Variants in PTPRN2 observed in about 807,000 individuals in gnomAD.
PTPRN2 encodes receptor-type tyrosine-protein phosphatase N2.
Under a neutral mutation model 118.8 loss-of-function variants are expected in PTPRN2, and 74 were observed. That is an observed-to-expected ratio of 0.62 (90% CI 0.52 to 0.76). PTPRN2 has a LOEUF of 0.76. PTPRN2 is among the 30% of genes least tolerant of loss of function. The probability of loss-of-function intolerance (pLI) is 0.00; values close to 1 mark genes in which losing one functional copy is unlikely to be tolerated. For synonymous variants in PTPRN2, 641 were observed against 608.0 expected (o/e 1.05, Z -0.80); for missense variants, 1,481 against 1,394.4 (o/e 1.06, Z -0.99).
chr7:157,600,113 C>A (rs1217327055), intron 16 of PTPRN2, among the ~76,000 whole-genome samples: 1 of 77,484 alleles, frequency 1.3e-5, no homozygotes. Flanking sequence ...ACCTGCCCAC[C>A]TCTCCACCTG....
intron 11 of PTPRN2, among the ~76,000 whole-genome samples, chr7:157,960,509 TA>T (rs755437710): frequency 2.0e-5 from 3 of 152,222 alleles, no homozygotes; most frequent in Non-Finnish European, 4.4e-5. Flanking sequence ...ATTTCAATTT[TA>T]AAAATACATC....
intron 10 of PTPRN2, among the ~76,000 whole-genome samples, chr7:158,085,817 CCCA>C (rs1262475194): frequency 7.2e-6 from 1 of 137,996 alleles, no homozygotes; most frequent in African/African-American, 2.8e-5. Flanking sequence ...CCCATCCACA[CCCA>C]CGATGCCCAT....
At chr7:157,704,756 C>T (rs199921268) in intron 12 of PTPRN2, among the ~76,000 whole-genome samples, 2 of 152,200 alleles carry the variant, frequency 1.3e-5, no homozygotes, top group South Asian at 2.1e-4. Context: ...CAGTTTACGG[C>T]GGCCATTCTA....
At chr7:158,071,050 C>T (rs1165124634) in intron 11 of PTPRN2, among the ~76,000 whole-genome samples, 1 of 56,710 alleles carries the variant, frequency 1.8e-5, no homozygotes, top group Non-Finnish European at 3.1e-5. Context: ...TGGAGGTGCT[C>T]ATGGTGGTGG....
intron 11 of PTPRN2, among the ~76,000 whole-genome samples, chr7:157,909,752 T>C (rs1797977428): frequency 6.6e-6 from 1 of 152,238 alleles, no homozygotes; most frequent in African/African-American, 2.4e-5. Flanking sequence ...AAAACATTTA[T>C]CACCCTCTGA....
At chr7:158,423,224 G>A (rs907458620) in intron 2 of PTPRN2, among the ~76,000 whole-genome samples, 3 of 152,236 alleles carry the variant, frequency 2.0e-5, no homozygotes, top group Admixed American at 6.5e-5. Flanking sequence ...GAGAAACCAC[G>A]GGGGAGAAAC....
At chr7:158,076,009 C>T (rs937078411) in intron 11 of PTPRN2, among the ~76,000 whole-genome samples, 2 of 152,228 alleles carry the variant, frequency 1.3e-5, no homozygotes, top group African/African-American at 2.4e-5. Flanking sequence ...CGAAGGGGAG[C>T]GCTGGGATCC....
chr7:157,901,320 G>A (rs1350339769), intron 11 of PTPRN2, among the ~76,000 whole-genome samples: 3 of 152,076 alleles, frequency 2.0e-5, no homozygotes, highest in Non-Finnish European at 4.4e-5. Context: ...ATGAGGCATG[G>A]CGGGGCCGAA....
chr7:158,409,445 A>T (rs1813855088), intron 2 of PTPRN2, among the ~76,000 whole-genome samples: 1 of 152,188 alleles, frequency 6.6e-6, no homozygotes, highest in Non-Finnish European at 1.5e-5. Context: ...GGCACAGAAG[A>T]CCTGGTCAGT....
intron 14 of PTPRN2, 134 bp from the exon 15 acceptor site, chr7:157,621,643 G>A: frequency 6.4e-6 from 7 of 1,096,138 alleles, no homozygotes; most frequent in South Asian, 2.9e-5. Context: ...GGGCCATGGT[G>A]CGACGTTGTG....
intron 14 of PTPRN2, among the ~76,000 whole-genome samples, chr7:157,638,531 G>C (rs1183957820): frequency 2.0e-5 from 3 of 152,252 alleles, no homozygotes; most frequent in Non-Finnish European, 4.4e-5. Flanking sequence ...CAATTGCTTT[G>C]AAACGAGGAG....
chr7:158,534,775 A>G (rs765315162), intron 1 of PTPRN2, among the ~76,000 whole-genome samples: 4 of 151,606 alleles, frequency 2.6e-5, no homozygotes, highest in African/African-American at 4.8e-5. Context: ...GACATTCTCC[A>G]TATGTTTCTT....
intron 10 of PTPRN2, among the ~76,000 whole-genome samples, chr7:158,099,035 C>CCCACCACATCCCGGCTGCCTCCCCTTCCT (rs1814946783): frequency 1.4e-3 from 10 of 7,154 alleles, no homozygotes; most frequent in African/African-American, 7.1e-3. Context: ...TCCCCTTCCT[C>CCCACCACATCCCGGCTGCCTCCCCTTCCT]CCCCCAACAC....
At chr7:157,740,941 A>G (rs1800601322) in intron 12 of PTPRN2, among the ~76,000 whole-genome samples, 1 of 152,238 alleles carries the variant, frequency 6.6e-6, no homozygotes, top group South Asian at 2.1e-4. Flanking sequence ...CCCATGGGCC[A>G]CTTTGTTCCC....
intron 12 of PTPRN2, among the ~76,000 whole-genome samples, chr7:157,692,809 C>T (rs1797575517): frequency 6.6e-6 from 1 of 152,176 alleles, no homozygotes; most frequent in East Asian, 2.0e-4. Flanking sequence ...TCTCGTCCCC[C>T]CTGCCCAGGG....
Position 158,273,555 on chromosome 7 carries a change from G to A in PTPRN2, c.277+43264C>T, listed in dbSNP as rs1480665806. ...GCAGACACGGGGAGCCGCAGACACA[G>A]GGGGAGCCGCAGGCACAGGGGGAGC... On this transcript the variant is annotated intron_variant, in intron 3 of 22. Coordinates refer to ENST00000389418, the MANE Select transcript of PTPRN2 (RefSeq NM_002847.5). Among the ~76,000 whole-genome samples, 25 of 115,688 alleles carry A rather than the reference G, an allele frequency of 2.2e-4. 2 individuals carry two copies. The highest frequency in any genetic ancestry group is 9.2e-4 in the African/African-American group (23 of 25,134). 75.9% of individuals were successfully genotyped at this position (115,688 alleles called of 152,430 possible). A position where few individuals can be genotyped will look rare whatever the true frequency, so the allele number is the denominator to read the frequency against.
chr7:157,567,880 G>T (rs909201060), intron 21 of PTPRN2, among the ~76,000 whole-genome samples: 1 of 152,186 alleles, frequency 6.6e-6, no homozygotes, highest in Admixed American at 6.5e-5. Flanking sequence ...AAGGGAAGCT[G>T]GACACATCTC....
At chr7:158,186,034 A>G (rs73746411) in intron 5 of PTPRN2, among the ~76,000 whole-genome samples, 1,961 of 152,144 alleles carry the variant, frequency 0.013, 32 homozygotes, top group African/African-American at 0.045. Context: ...CTCCATCCCT[A>G]GTGCCGCATC....
chr7:158,071,369 GGTGGTGGAGGTGCTC>G lies in PTPRN2; in HGVS notation c.1723+9914_1723+9928del, dbSNP rs1412136186. 1.4e-3 allele frequency among the ~76,000 whole-genome samples: 109 copies of G among 76,956 alleles called. 1 individual carries two copies. Among genetic ancestry groups the G allele is most frequent in the Admixed American group, 2.6e-3 (18 of 6,860 alleles). 50.5% of individuals were successfully genotyped at this position (76,956 alleles called of 152,430 possible). A position where few individuals can be genotyped will look rare whatever the true frequency, so the allele number is the denominator to read the frequency against. ...TGCTCGTGGTGGTGGAGGTGCTCAT[GGTGGTGGAGGTGCTC>G]GTGGTGGAGGTGCTCGTGGTGGAGT... On this transcript the variant is annotated intron_variant, in intron 11 of 22. Transcript: ENST00000389418.
Sources: gnomAD v4.1 joint callset for allele counts (sites outside exome capture counted in the v4.1 genomes callset) on GRCh38, gnomAD v4.1.1 for gene constraint, MANE v1.5 for transcripts, NCBI Gene and HGNC (gene_info 2026-07-23, HGNC 2026-07-21) for gene names.